The following ZNF106 variants were observed in gnomAD, a reference collection of about 807,000 sequenced individuals.
ZNF106 encodes the protein SH3-domain binding protein 3.
ZNF106 carries 67 observed loss-of-function variants against 195.1 expected under a neutral mutation model. The observed-to-expected ratio is 0.34, with a 90% CI of 0.28 to 0.42. The LOEUF is 0.42. ZNF106 is among the 10% of genes least tolerant of loss of function. The pLI is 1.00. For synonymous variants in ZNF106, 784 were observed against 818.6 expected, an observed-to-expected ratio of 0.96 and a Z score of 0.72; for missense variants, 2,118 against 2,304.5, an observed-to-expected ratio of 0.92 and a Z score of 1.66.
At chr15:42,463,459 G>C (rs935376021) in intron 3 of ZNF106, among the ~76,000 whole-genome samples, 1 of 152,124 alleles carries the variant, frequency 6.6e-6, no homozygotes, top group Non-Finnish European at 1.5e-5. Context: ...ACTTTGGAAG[G>C]CAGAGGTAGG....
intron 1 of ZNF106, among the ~76,000 whole-genome samples, chr15:42,480,853 C>T (rs2056883922): frequency 1.3e-5 from 2 of 152,086 alleles, no homozygotes; most frequent in South Asian, 4.1e-4. Context: ...GGCGTGGTGG[C>T]AGGCACCTGT....
Position 42,422,543 on chromosome 15 carries a change from C to G in ZNF106, c.5331G>C (p.Val1777=). 6.2e-7 allele frequency: 1 copy of G among 1,613,684 alleles called. No individual in the cohort carries two copies. Among genetic ancestry groups the G allele is most frequent in the South Asian group, 1.1e-5 (1 of 91,008 alleles). The change falls in exon 18 of 22, where the codon GTG becomes GTC. Residue 1777 remains valine (V), a synonymous_variant. Transcript: ENST00000564754. ...TVVNILGKVM[V]TACLDKFVRV... ...GAACAAATTTATCCAGGCAAGCAGT[C>G]ACCATCACTTTTCCTAGGATATTCA...
rs1297301178 is a variant in ZNF106, at chr15:42,417,868, C to A, written c.5601G>T (p.Gln1867His). 1 of 1,614,032 alleles carries A rather than the reference C, an allele frequency of 6.2e-7. No individual in the cohort carries two copies. The change falls in exon 21 of 22, where the codon CAG (glutamine) becomes CAT (histidine). Residue 1867 changes from glutamine to histidine, a missense_variant. Coordinates refer to ENST00000564754, the MANE Select transcript of ZNF106 (RefSeq NM_001366845.3). ...AGTTCTTCCAGCGACATTTCAGAGT[C>A]TGGAAGTTGGGATTAGTGTGGTCGG... is the stretch of plus-strand genomic sequence containing the variant. ...LLTDHTNPNF[Q>H]TLKCRWKNCD...
intron 1 of ZNF106, among the ~76,000 whole-genome samples, chr15:42,472,788 G>A (rs958922907): frequency 5.3e-5 from 8 of 152,134 alleles, no homozygotes; most frequent in Non-Finnish European, 7.3e-5. Flanking sequence ...GACGCGGGCA[G>A]ATCACGAGGT....
intron 1 of ZNF106, among the ~76,000 whole-genome samples, chr15:42,485,957 TTTC>T (rs1252002139): frequency 2.2e-5 from 3 of 138,810 alleles, no homozygotes; most frequent in African/African-American, 2.9e-5. Context: ...TTTATTACTC[TTTC>T]TTTTTTTTTT....
chr15:42,421,934 T>A lies in ZNF106; in HGVS notation c.5428A>T (p.Thr1810Ser). 2 of 1,582,348 alleles carry A rather than the reference T, an allele frequency of 1.3e-6. No homozygotes were observed. Among genetic ancestry groups the A allele is most frequent in the Non-Finnish European group, 1.7e-6 (2 of 1,161,148 alleles). The change falls in exon 19 of 22, where the codon ACC becomes TCC. Residue 1810 changes from threonine (T) to serine (S), a missense_variant. Thr to Ser is a moderately conservative substitution (Grantham distance 58, BLOSUM62 1). Coordinates refer to ENST00000564754, the MANE Select transcript of ZNF106 (RefSeq NM_001366845.3). ...ACACTCACCATGCTTTTATGGATGGTCATACACATAATCATGTCTTTGTGT... is the reference window on the plus strand; with the variant it reads ...ACACTCACCATGCTTTTATGGATGGACATACACATAATCATGTCTTTGTGT... ...GGHKDMIMCM[T>S]IHKSMIYTGC...
At chr15:42,429,033 A>G (rs946442106) in intron 14 of ZNF106, among the ~76,000 whole-genome samples, 4 of 151,378 alleles carry the variant, frequency 2.6e-5, no homozygotes, top group African/African-American at 9.8e-5. Flanking sequence ...CCTTACATGC[A>G]TGAGCCACTG....
intron 20 of ZNF106, 87 bp from the exon 21 acceptor site, chr15:42,418,038 C>G: frequency 7.4e-7 from 1 of 1,343,408 alleles, no homozygotes; most frequent in Non-Finnish European, 9.8e-7. Context: ...CCCATAAGCA[C>G]TATGGAAGCA....
At chr15:42,438,893 A>T in intron 11 of ZNF106, 140 bp downstream of exon 11, 1 of 1,040,740 alleles carries the variant, frequency 9.6e-7, no homozygotes, top group Non-Finnish European at 1.4e-6. Flanking sequence ...GCTGAGCTTT[A>T]ATTTTTCCAT....
At chr15:42,460,880 A>G (rs1326241775) in intron 3 of ZNF106, among the ~76,000 whole-genome samples, 1 of 151,756 alleles carries the variant, frequency 6.6e-6, no homozygotes, top group East Asian at 1.9e-4. Flanking sequence ...AAAAAAATTA[A>G]CACTAAAAAT....
rs754874779 is a variant in ZNF106, at chr15:42,448,377, G to A, written c.2830C>T (p.Leu944Phe). ...TTTTCAGCCCTTTCACCTGTTCGGA[G>A]GGAGGCAGCCCGAGGTGTCACTTCT... is the stretch of plus-strand genomic sequence containing the variant. ...KQEVTPRAASLRTGERAENVA... is the reference protein window; with the variant it reads ...KQEVTPRAASFRTGERAENVA... Residue 944 changes from leucine to phenylalanine, a missense_variant, in exon 6 of 22, where the codon CTC becomes TTC. Leu to Phe is a conservative substitution (Grantham distance 22). Transcript: ENST00000564754. The A allele has an allele frequency of 8.2e-5, 132 of 1,614,054 alleles. No individual in the cohort carries two copies. Among genetic ancestry groups the A allele is most frequent in the Non-Finnish European group, 1.0e-4 (121 of 1,180,044 alleles).
At chr15:42,478,517 T>TC (rs1188753131) in intron 1 of ZNF106, among the ~76,000 whole-genome samples, 4 of 132,322 alleles carry the variant, frequency 3.0e-5, no homozygotes, top group Admixed American at 8.1e-5. Context: ...TTTTTCTTTT[T>TC]TTTTTTTTTT....
intron 1 of ZNF106, among the ~76,000 whole-genome samples, chr15:42,489,394 C>G (rs993507785): frequency 4.6e-5 from 7 of 151,946 alleles, no homozygotes; most frequent in Non-Finnish European, 8.8e-5. Context: ...TCAGCCTGGT[C>G]TCAAACTCCT....
At chr15:42,488,081 A>G (rs2057055834) in intron 1 of ZNF106, among the ~76,000 whole-genome samples, 1 of 152,208 alleles carries the variant, frequency 6.6e-6, no homozygotes, top group Admixed American at 6.5e-5. Context: ...ATGTGGATGC[A>G]ATGTAGTATG....
chr15:42,447,458 C>CT (rs1318921886), intron 6 of ZNF106, among the ~76,000 whole-genome samples: 4 of 152,136 alleles, frequency 2.6e-5, no homozygotes, highest in Non-Finnish European at 5.9e-5. Flanking sequence ...GCAACTCTTT[C>CT]TTTTCAGAAA....
chr15:42,477,087 T>C (rs932706788), intron 1 of ZNF106, among the ~76,000 whole-genome samples: 14 of 152,192 alleles, frequency 9.2e-5, no homozygotes, highest in African/African-American at 3.1e-4. Context: ...TGTATTTTTC[T>C]TTATCAGTCT....
intron 15 of ZNF106, among the ~76,000 whole-genome samples, chr15:42,426,383 TTCTG>T (rs1170242272): frequency 1.3e-5 from 2 of 151,444 alleles, no homozygotes; most frequent in African/African-American, 2.4e-5. Context: ...TGCTCCTTAC[TTCTG>T]TCTACTACTT....
rs2055675444 is a variant in ZNF106 at position 42,444,184 on chromosome 15, C to CAG, written c.3421+16_3421+17dup. 6.7e-7 allele frequency: 1 copy of CAG among 1,483,520 alleles called. No homozygotes were observed. The highest frequency in any genetic ancestry group is 9.3e-7 in the Non-Finnish European group (1 of 1,074,744). The allele number at this position is 1,483,520 out of a possible 1,614,324, so 91.9% of individuals were successfully genotyped here. ...ACACGCTATAGAGGGCCCAATCCAT[C>CAG]AGATGCCCTCTGAATACCTTGTAAT... On this transcript the variant is annotated intron_variant, in intron 9 of 21. Coordinates refer to ENST00000564754, the MANE Select transcript of ZNF106 (RefSeq NM_001366845.3).
intron 1 of ZNF106, among the ~76,000 whole-genome samples, 153 bp downstream of exon 1, chr15:42,490,827 T>C (rs2057145209): frequency 6.6e-6 from 1 of 152,158 alleles, no homozygotes; most frequent in Non-Finnish European, 1.5e-5. Flanking sequence ...GCGCCGGCTC[T>C]GGGAGAGTGG....
Sources: allele counts gnomAD v4.1 joint callset (sites outside exome capture counted in the v4.1 genomes callset), GRCh38; gene constraint gnomAD v4.1.1; transcripts MANE v1.5; gene names NCBI Gene and HGNC (gene_info 2026-07-23, HGNC 2026-07-21).